Variants in CERS2 observed in about 807,000 individuals in gnomAD.
CERS2 encodes the protein ceramide synthase 2, also known as LAG1 homolog, ceramide synthase 2.
CERS2 carries 20 observed loss-of-function variants against 56.6 expected under a neutral mutation model. The ratio of observed to expected loss-of-function variants is 0.35; its 90% CI spans 0.25 to 0.51. The LOEUF is 0.51. Ranked by LOEUF, CERS2 falls within the 20% of genes least tolerant of loss-of-function variation. The pLI is 0.96. For synonymous variants in CERS2, 187 were observed against 175.4 expected (o/e 1.07, Z -0.52); for missense variants, 361 against 488.6 (o/e 0.74, Z 2.46).
intron 1 of CERS2, chr1:150,971,951 G>A (rs1306986146): frequency 2.1e-6 from 1 of 468,930 alleles, no homozygotes; most frequent in South Asian, 1.6e-5. Flanking sequence ...CCCCAACCAG[G>A]TCTGTGAAAA....
rs1396566001 is a variant in CERS2, at chr1:150,974,696, G to C, written c.-79C>G. On this transcript the variant is annotated 5_prime_UTR_variant, in exon 1 of 11. Coordinates refer to ENST00000368954, the MANE Select transcript of CERS2 (RefSeq NM_022075.5). Reference sequence around the variant, plus strand: ...TCGGGTGGTTGCTCCGAGGCCCCGAGGCCTGGCTCCCCGCGCCTCTCCTCC... The same window carrying C: ...TCGGGTGGTTGCTCCGAGGCCCCGACGCCTGGCTCCCCGCGCCTCTCCTCC... 6.6e-6 allele frequency: 1 copy of C among 150,560 alleles called. No individual in the cohort carries two copies. The highest frequency in any genetic ancestry group is 1.5e-5 in the Non-Finnish European group (1 of 67,314). The allele number at this position is 150,560 out of a possible 1,614,324, so 9.3% of individuals were successfully genotyped here.
chr1:150,972,948 C>A (rs972452460), intron 1 of CERS2, among the ~76,000 whole-genome samples: 8 of 152,192 alleles, frequency 5.3e-5, no homozygotes, highest in Non-Finnish European at 7.3e-5. Context: ...GGAAGGAATT[C>A]TCTCAGACTC....
intron 1 of CERS2, chr1:150,974,392 G>A (rs2102775756): frequency 6.7e-6 from 1 of 149,280 alleles, no homozygotes; most frequent in East Asian, 2.0e-4. Flanking sequence ...CGCCGGCCCC[G>A]GCCGCTCCCT....
intron 2 of CERS2, 48 bp from the exon 3 acceptor site, chr1:150,968,560 G>A (rs1239230622): frequency 6.9e-7 from 1 of 1,454,596 alleles, no homozygotes; most frequent in Admixed American, 1.7e-5. Context: ...GGAAGGGAAA[G>A]GGCTGCAAGC....
intron 2 of CERS2, 69 bp from the exon 3 acceptor site, chr1:150,968,581 T>C (rs1671092226): frequency 1.6e-6 from 2 of 1,255,488 alleles, no homozygotes; most frequent in South Asian, 2.4e-5. Flanking sequence ...TAAGGCAACT[T>C]TACCCTGGCC....
Position 150,967,489 on chromosome 1 carries a change from G to T in CERS2, c.520-5C>A, listed in dbSNP as rs1447361966. The T allele has an allele frequency of 6.5e-7, 1 of 1,540,360 alleles. No individual in the cohort carries two copies. Among genetic ancestry groups the T allele is most frequent in the African/African-American group, 1.4e-5 (1 of 73,344 alleles). On this transcript the variant is annotated splice_region_variant and splice_polypyrimidine_tract_variant and intron_variant, in intron 6 of 10. Transcript: ENST00000368954. ...ATACTGGGAAGGGATAGTGCTCTGG[G>T]AGAGGAGAGAGAGGTAAGAGCAACC...
At chr1:150,969,327 G>C in intron 1 of CERS2, 1 of 473,930 alleles carries the variant, frequency 2.1e-6, no homozygotes, top group Non-Finnish European at 3.8e-6. Context: ...TGTGGTCCCA[G>C]CACTTTGGGA....
chr1:150,968,385 C>T lies in CERS2; in HGVS notation c.291+10G>A, dbSNP rs749984571. On this transcript the variant is annotated intron_variant, in intron 3 of 10. Coordinates refer to ENST00000368954, the MANE Select transcript of CERS2 (RefSeq NM_022075.5). The stretch of plus-strand genomic sequence containing the variant: ...TGATTCCCAGAGCCAGAGCAGCATG[C>T]GGCTCATACCTGCTTGGGCTGCTTG... 7 of 1,600,530 alleles carry T rather than the reference C, an allele frequency of 4.4e-6. No homozygotes were observed. The highest frequency in any genetic ancestry group is 3.3e-5 in the South Asian group (3 of 90,786).
chr1:150,971,185 C>T (rs937566458), intron 1 of CERS2, among the ~76,000 whole-genome samples: 1 of 152,178 alleles, frequency 6.6e-6, no homozygotes, highest in Non-Finnish European at 1.5e-5. Context: ...GGAGATGAGG[C>T]GGTGGGATTT....
chr1:150,972,961 G>C (rs1370530129), intron 1 of CERS2, among the ~76,000 whole-genome samples: 1 of 152,198 alleles, frequency 6.6e-6, no homozygotes, highest in Non-Finnish European at 1.5e-5. Flanking sequence ...TCAGACTCCA[G>C]GTGGTCAGTC....
rs1392417949 is a variant in CERS2 at position 150,968,181 on chromosome 1, G to A, written c.312C>T (p.Ser104=). 14 of 1,609,098 alleles carry A rather than the reference G, an allele frequency of 8.7e-6. No homozygotes were observed. The highest frequency in any genetic ancestry group is 1.2e-5 in the Non-Finnish European group (14 of 1,179,968). ...QPKQVEVELL[S]RQSGLSGRQV... ...GGCGGCCAGAGAGCCCGCTCTGCCG[G>A]GACAAAAGCTCTACTTCCACCTGGG... Residue 104 remains serine, a synonymous_variant, in exon 4 of 11, where the codon TCC becomes TCT. Transcript: ENST00000368954.
At chr1:150,971,790 C>G in intron 1 of CERS2, 1 of 467,004 alleles carries the variant, frequency 2.1e-6, no homozygotes, top group Middle Eastern at 3.3e-4. Flanking sequence ...ACATGGCCCC[C>G]TCTTCCCACT....
chr1:150,966,004 G>A lies in CERS2; in HGVS notation c.*144C>T, dbSNP rs1357489417. ...TTAGAATTTGGTTTAAAGGCAACTG[G>A]GTGACAAGCAAGGAGGGAGGATGCA... On this transcript the variant is annotated 3_prime_UTR_variant, in exon 11 of 11. Transcript: ENST00000368954. The A allele has an allele frequency of 3.4e-6, 3 of 877,524 alleles. No individual in the cohort carries two copies. In the South Asian group the frequency reaches 5.6e-5, roughly 17 times the overall value. 54.4% of individuals were successfully genotyped at this position (877,524 alleles called of 1,614,324 possible).
intron 1 of CERS2, among the ~76,000 whole-genome samples, chr1:150,972,830 C>CT (rs1671217290): frequency 6.6e-6 from 1 of 152,164 alleles, no homozygotes; most frequent in Admixed American, 6.5e-5. Flanking sequence ...TGCCCCAACT[C>CT]TGACTGACAC....
chr1:150,968,833 A>T, intron 2 of CERS2, 85 bp downstream of exon 2: 1 of 1,329,778 alleles, frequency 7.5e-7, no homozygotes, highest in Non-Finnish European at 1.1e-6. Context: ...GTCAAGGGCT[A>T]ATTAAACAGC....
chr1:150,971,481 G>A (rs1671178886), intron 1 of CERS2, among the ~76,000 whole-genome samples: 1 of 151,934 alleles, frequency 6.6e-6, no homozygotes, highest in African/African-American at 2.4e-5. Flanking sequence ...GAAATCAGAG[G>A]TCAGCACTGC....
chr1:150,968,419 C>A lies in CERS2; in HGVS notation c.267G>T (p.Leu89=), dbSNP rs1462408302. 2.5e-6 allele frequency: 4 copies of A among 1,613,938 alleles called. No individual in the cohort carries two copies. The highest frequency in any genetic ancestry group is 3.4e-6 in the Non-Finnish European group (4 of 1,179,938). ...CCTGCTTGGGCTGCTTGCCACTGGT[C>A]AGGTAGAAATGTTCCAAGGTGGCGT... The part of the protein sequence containing the change: ...PPNATLEHFY[L]TSGKQPKQVE... Residue 89 remains leucine (L), a synonymous_variant, in exon 3 of 11, where the codon CTG becomes CTT. Transcript: ENST00000368954.
At chr1:150,972,835 T>C (rs767058955) in intron 1 of CERS2, among the ~76,000 whole-genome samples, 27 of 152,100 alleles carry the variant, frequency 1.8e-4, no homozygotes, top group Non-Finnish European at 3.2e-4. Context: ...CAACTCTGAC[T>C]GACACCCCCA....
chr1:150,971,809 C>T, intron 1 of CERS2: 2 of 466,856 alleles, frequency 4.3e-6, no homozygotes, highest in South Asian at 3.1e-5. Flanking sequence ...CTTTTTTGCT[C>T]AGCCTGATTG....
Sources: gnomAD v4.1 joint callset for allele counts (sites outside exome capture counted in the v4.1 genomes callset) on GRCh38, gnomAD v4.1.1 for gene constraint, MANE v1.5 for transcripts, NCBI Gene and HGNC (gene_info 2026-07-23, HGNC 2026-07-21) for gene names.